The following RIMS2 variants were observed in gnomAD, a reference collection of about 807,000 sequenced individuals.
RIMS2 encodes regulating synaptic membrane exocytosis 2, also known as regulating synaptic membrane exocytosis protein 2.
RIMS2 carries 59 observed loss-of-function variants against 174.4 expected under a neutral mutation model. The observed-to-expected ratio is 0.34, with a 90% CI of 0.27 to 0.42. The LOEUF (loss-of-function observed/expected upper bound fraction) is 0.42, where lower values mean the gene tolerates loss of function less well. Among genes scored for constraint, RIMS2 ranks in the 10% least tolerant of loss-of-function variants. The pLI is 1.00. For missense variants in RIMS2, 1,620 were observed against 1,666.3 expected, an observed-to-expected ratio of 0.97 and a Z score of 0.48; for synonymous variants, 606 against 572.5, an observed-to-expected ratio of 1.06 and a Z score of -0.84.
chr8:103,704,964 T>C (rs917752089), intron 2 of RIMS2, among the ~76,000 whole-genome samples: 1 of 151,908 alleles, frequency 6.6e-6, no homozygotes, highest in Non-Finnish European at 1.5e-5. Context: ...TTATTCCTGC[T>C]TTTTTATTAT....
At chr8:103,907,162 T>G (rs891054427) in intron 4 of RIMS2, among the ~76,000 whole-genome samples, 10 of 152,236 alleles carry the variant, frequency 6.6e-5, no homozygotes, top group African/African-American at 2.2e-4. Flanking sequence ...CACCAACAGT[T>G]TCTGATTCAT....
At chr8:103,668,915 C>T (rs1017141882) in intron 1 of RIMS2, among the ~76,000 whole-genome samples, 1 of 152,088 alleles carries the variant, frequency 6.6e-6, no homozygotes, top group Non-Finnish European at 1.5e-5. Flanking sequence ...CTCTGTGAGT[C>T]TACATTTAAC....
intron 1 of RIMS2, among the ~76,000 whole-genome samples, chr8:103,588,054 A>G (rs1042895264): frequency 6.6e-6 from 1 of 152,104 alleles, no homozygotes; most frequent in African/African-American, 2.4e-5. Flanking sequence ...CAAATTCAGT[A>G]AAGTTACAGG....
At chr8:103,510,029 C>A (rs543243409) in intron 1 of RIMS2, among the ~76,000 whole-genome samples, 25 of 152,244 alleles carry the variant, frequency 1.6e-4, no homozygotes, top group African/African-American at 6.0e-4. Flanking sequence ...AACAGAGGAA[C>A]TGGATAAATG....
intron 1 of RIMS2, among the ~76,000 whole-genome samples, chr8:103,555,919 A>G (rs2131777548): frequency 6.6e-6 from 1 of 152,312 alleles, no homozygotes; most frequent in East Asian, 1.9e-4. Context: ...ATATTATGTT[A>G]AGTGAAATAA....
chr8:104,251,824 C>A, exon 24 of RIMS2: 3 of 1,508,492 alleles, frequency 2.0e-6, no homozygotes, highest in Non-Finnish European at 2.7e-6. Flanking sequence ...TTCATAGCAG[C>A]TGTAAAAAAA....
At chr8:104,024,857 T>C (rs1361599109) in intron 19 of RIMS2, among the ~76,000 whole-genome samples, 1 of 152,166 alleles carries the variant, frequency 6.6e-6, no homozygotes. Context: ...TCCTAAATAT[T>C]TCTCCTATTA....
At chr8:103,740,846 C>CT (rs549250620) in intron 2 of RIMS2, among the ~76,000 whole-genome samples, 1 of 151,954 alleles carries the variant, frequency 6.6e-6, no homozygotes, top group Non-Finnish European at 1.5e-5. Context: ...CATGAACAAA[C>CT]TTTTTTTAAC....
chr8:103,967,686 C>G (rs938033375), intron 15 of RIMS2, among the ~76,000 whole-genome samples: 13 of 151,984 alleles, frequency 8.6e-5, no homozygotes, highest in African/African-American at 2.4e-4. Context: ...TTAGTTTTTG[C>G]CTGACATATT....
chr8:104,022,571 G>C (rs1054023962), intron 19 of RIMS2, among the ~76,000 whole-genome samples: 2 of 151,878 alleles, frequency 1.3e-5, no homozygotes, highest in Non-Finnish European at 2.9e-5. Context: ...TAGTAAAGAC[G>C]GGTTTCACTA....
intron 1 of RIMS2, among the ~76,000 whole-genome samples, chr8:103,649,195 T>C (rs774028267): frequency 1.3e-5 from 2 of 152,296 alleles, no homozygotes; most frequent in East Asian, 3.9e-4. Context: ...CCTTCACTTA[T>C]GATGTTTAGT....
intron 19 of RIMS2, among the ~76,000 whole-genome samples, chr8:104,203,232 A>G (rs1228256143): frequency 6.6e-6 from 1 of 152,192 alleles, no homozygotes; most frequent in Non-Finnish European, 1.5e-5. Flanking sequence ...ATATATTTTT[A>G]TACCAAAAAT....
intron 3 of RIMS2, among the ~76,000 whole-genome samples, chr8:103,774,653 G>A (rs989158368): frequency 6.6e-6 from 1 of 152,116 alleles, no homozygotes. Flanking sequence ...TCATTGTGAT[G>A]AATGGAAGAA....
At chr8:104,162,690 A>G (rs547311261) in intron 19 of RIMS2, among the ~76,000 whole-genome samples, 3 of 152,208 alleles carry the variant, frequency 2.0e-5, no homozygotes, top group Non-Finnish European at 4.4e-5. Context: ...TTAACTGGAC[A>G]TATTTTAAGA....
intron 3 of RIMS2, among the ~76,000 whole-genome samples, chr8:103,776,105 T>G (rs915276988): frequency 2.6e-5 from 4 of 152,096 alleles, no homozygotes; most frequent in Non-Finnish European, 5.9e-5. Context: ...GTTTGGAAGG[T>G]CTCCATTTTG....
At chr8:103,651,392 G>T (rs1477609030) in intron 1 of RIMS2, among the ~76,000 whole-genome samples, 1 of 152,112 alleles carries the variant, frequency 6.6e-6, no homozygotes, top group Non-Finnish European at 1.5e-5. Context: ...CTTTCAATTG[G>T]CTGTCTTAGC....
At chr8:103,739,119 G>A (rs2097725894) in intron 2 of RIMS2, among the ~76,000 whole-genome samples, 1 of 152,140 alleles carries the variant, frequency 6.6e-6, no homozygotes. Context: ...GCAAAGACTT[G>A]GAACCAACCC....
chr8:103,578,189 G>A (rs1305752250), intron 1 of RIMS2, among the ~76,000 whole-genome samples: 1 of 152,102 alleles, frequency 6.6e-6, no homozygotes, highest in Non-Finnish European at 1.5e-5. Context: ...AATTCTCAAA[G>A]GTCAAGGACA....
intron 1 of RIMS2, among the ~76,000 whole-genome samples, chr8:103,616,328 G>C (rs1406766415): frequency 6.6e-6 from 1 of 152,146 alleles, no homozygotes; most frequent in Non-Finnish European, 1.5e-5. Context: ...ATTTTTTCAT[G>C]TTACAAACTC....
Sources: gnomAD v4.1 joint callset for allele counts (sites outside exome capture counted in the v4.1 genomes callset) on GRCh38, gnomAD v4.1.1 for gene constraint, MANE v1.5 for transcripts, NCBI Gene and HGNC (gene_info 2026-07-23, HGNC 2026-07-21) for gene names.